Variants in IKBKE observed in about 807,000 individuals in gnomAD.
IKBKE encodes inhibitor of nuclear factor kappa-B kinase subunit epsilon.
In IKBKE, 45 loss-of-function variants were observed where a neutral mutation model predicts 92.1. That is an observed-to-expected ratio of 0.49 (90% confidence interval 0.38 to 0.63). IKBKE has a LOEUF of 0.63. Among genes scored for constraint, IKBKE ranks in the 20% least tolerant of loss-of-function variants. The probability of loss-of-function intolerance (pLI) is 0.00; values close to 1 mark genes in which losing one functional copy is unlikely to be tolerated. For missense variants in IKBKE, 700 were observed against 932.8 expected, an observed-to-expected ratio of 0.75 and a Z score of 3.25; for synonymous variants, 374 against 380.3, an observed-to-expected ratio of 0.98 and a Z score of 0.19.
chr1:206,475,061 G>A lies in IKBKE; in HGVS notation c.358+67G>A. The A allele has an allele frequency of 7.2e-6, 11 of 1,537,748 alleles. No homozygotes were observed. In the South Asian group the frequency reaches 8.2e-5, roughly 11 times the overall value. ...GCAGGCCTGGGACAGATGCTGACAG[G>A]ACTCAGGTGTCTGACTCCTGCTAAT... On this transcript the variant is annotated intron_variant, in intron 5 of 21. Transcript: ENST00000581977.
intron 16 of IKBKE, among the ~76,000 whole-genome samples, chr1:206,488,674 C>G (rs190875300): frequency 6.6e-6 from 1 of 152,138 alleles, no homozygotes; most frequent in East Asian, 1.9e-4. Flanking sequence ...ACCAAACCTC[C>G]CCCTCCTCTC....
rs1553391223 is a variant in IKBKE, at chr1:206,493,354, C to A, written c.2021C>A (p.Pro674His). 1.2e-6 allele frequency: 2 copies of A among 1,613,966 alleles called. No homozygotes were observed. Among genetic ancestry groups the A allele is most frequent in the Admixed American group, 3.3e-5 (2 of 60,030 alleles). ...CCTCCCATAGCTCCTTACCCCAGCC[C>A]TACACGAAAGGACCTGCTTCTCCAG... ...SPPPIAPYPS[P>H]TRKDLLLHMQ... is the part of the protein sequence containing the mutation. The change falls in exon 20 of 22, where the codon CCT becomes CAT. Residue 674 changes from proline to histidine, a missense_variant. Physicochemically the swap from Pro to His is moderately conservative, Grantham distance 77 (BLOSUM62 -2). Coordinates refer to ENST00000581977, the MANE Select transcript of IKBKE (RefSeq NM_014002.4).
At chr1:206,477,919 G>A in intron 8 of IKBKE, 60 bp downstream of exon 8, 2 of 1,201,690 alleles carry the variant, frequency 1.7e-6, no homozygotes, top group Non-Finnish European at 2.4e-6. Flanking sequence ...ACTTCTCTCT[G>A]CTAAGTCAAG....
intron 5 of IKBKE, among the ~76,000 whole-genome samples, chr1:206,475,554 G>A (rs1330988388): frequency 6.6e-6 from 1 of 152,128 alleles, no homozygotes; most frequent in Non-Finnish European, 1.5e-5. Context: ...GGCGAACACG[G>A]TGAAACCCTG....
chr1:206,478,802 G>A lies in IKBKE; in HGVS notation c.993-141G>A. On this transcript the variant is annotated intron_variant, in intron 9 of 21. Coordinates refer to ENST00000581977, the MANE Select transcript of IKBKE (RefSeq NM_014002.4). The surrounding 1 kb of genome is among the most constrained non-coding windows in gnomAD (Gnocchi z 4.8). ...CTTGGTCTCTCCACCCTTGATGACA[G>A]AGAAAACCACCCCCGTCCCTCCCTC... The A allele has an allele frequency of 1.4e-6, 1 of 715,578 alleles. No homozygotes were observed. Among genetic ancestry groups the A allele is most frequent in the Non-Finnish European group, 2.5e-6 (1 of 402,086 alleles). 44.3% of individuals were successfully genotyped at this position (715,578 alleles called of 1,614,324 possible).
At position 206,476,272 on chromosome 1, in the gene IKBKE, G is replaced by A. The variant is rs1665058197; in HGVS notation, c.450G>A (p.Gln150=). 6.2e-7 allele frequency: 1 copy of A among 1,614,106 alleles called. No homozygotes were observed. Among genetic ancestry groups the A allele is most frequent in the Non-Finnish European group, 8.5e-7 (1 of 1,179,982 alleles). ...TGCGCCTCGTAGGGGAGGAGGGGCA[G>A]AGCATCTACAAGCTGACAGACTTCG... ...NIMRLVGEEG[Q]SIYKLTDFGA... The change falls in exon 6 of 22, where the codon CAG becomes CAA. Residue 150 remains glutamine (Q), a synonymous_variant. Transcript: ENST00000581977. The surrounding 1 kb of genome is among the most constrained non-coding windows in gnomAD (Gnocchi z 5.1).
rs1553385415 is a variant in IKBKE at position 206,476,633 on chromosome 1, G to A, written c.541-45G>A. 1 of 1,611,438 alleles carries A rather than the reference G, an allele frequency of 6.2e-7. No individual in the cohort carries two copies. The highest frequency in any genetic ancestry group is 2.2e-5 in the East Asian group (1 of 44,850). On this transcript the variant is annotated intron_variant, in intron 6 of 21. Coordinates refer to ENST00000581977, the MANE Select transcript of IKBKE (RefSeq NM_014002.4). This position sits in a 1 kb window ranked among gnomAD's most constrained non-coding sequence, Gnocchi z 5.1. ...GGGGTCTGACAGGTCTCAGGCCCTTGCCAGCCCTCCGGCTCCATGGCCTCA... is the reference window on the plus strand; with the variant it reads ...GGGGTCTGACAGGTCTCAGGCCCTTACCAGCCCTCCGGCTCCATGGCCTCA...
At position 206,478,662 on chromosome 1, in the gene IKBKE, A is replaced by G. The variant is rs41297604; in HGVS notation, c.993-281A>G. ...GATTCCTGGATAATTTTATAGAACT[A>G]GGTAAATTTTAATGGCAGTGTGACA... is the stretch of plus-strand genomic sequence containing the variant. On this transcript the variant is annotated intron_variant, in intron 9 of 21. Coordinates refer to ENST00000581977, the MANE Select transcript of IKBKE (RefSeq NM_014002.4). The surrounding 1 kb of genome is among the most constrained non-coding windows in gnomAD (Gnocchi z 4.8). Among the ~76,000 whole-genome samples, 3,274 of 152,250 alleles carry G rather than the reference A, an allele frequency of 0.022. 108 individuals carry two copies. Among genetic ancestry groups the G allele is most frequent in the African/African-American group, 0.075 (3,106 of 41,522 alleles).
Position 206,491,644 on chromosome 1 carries a change from C to T in IKBKE, c.1734-4C>T, listed in dbSNP as rs1665956835. The T allele has an allele frequency of 6.2e-7, 1 of 1,609,930 alleles. No homozygotes were observed. The highest frequency in any genetic ancestry group is 8.5e-7 in the Non-Finnish European group (1 of 1,176,692). Reference sequence around the variant, plus strand: ...ATCTGCACCTTGGTTCTCTGTCGTTCTAGGGTGAATTTCAGTCATTTAGCC... The same window carrying T: ...ATCTGCACCTTGGTTCTCTGTCGTTTTAGGGTGAATTTCAGTCATTTAGCC... On this transcript the variant is annotated splice_region_variant and splice_polypyrimidine_tract_variant and intron_variant, in intron 17 of 21. Transcript: ENST00000581977.
rs41297612 is a variant in IKBKE, at chr1:206,480,634, G to A, written c.1427+101G>A. On this transcript the variant is annotated intron_variant, in intron 13 of 21. Transcript: ENST00000581977. Reference sequence around the variant, plus strand: ...ATGCACCTCTTCTCCCCCAAGCCAGGGCTACTGCCTTCCCTGCCCTCCTAG... The same window carrying A: ...ATGCACCTCTTCTCCCCCAAGCCAGAGCTACTGCCTTCCCTGCCCTCCTAG... 3,358 of 865,964 alleles carry A rather than the reference G, an allele frequency of 3.9e-3. 77 individuals are homozygous for A. The African/African-American group carries it at 0.048, about 12-fold the overall frequency. 53.6% of individuals were successfully genotyped at this position (865,964 alleles called of 1,614,324 possible).
intron 16 of IKBKE, among the ~76,000 whole-genome samples, chr1:206,488,803 C>T (rs1375301171): frequency 2.0e-5 from 3 of 152,088 alleles, no homozygotes; most frequent in South Asian, 2.1e-4. Flanking sequence ...ATGCCAGACA[C>T]GTATGTAATT....
Position 206,479,024 on chromosome 1 carries a change from C to G in IKBKE, c.1074C>G (p.Leu358=), listed in dbSNP as rs782232703. 1.2e-6 allele frequency: 2 copies of G among 1,614,116 alleles called. No individual in the cohort carries two copies. The highest frequency in any genetic ancestry group is 2.2e-5 in the East Asian group (1 of 44,876). The part of the protein sequence containing the change: ...RHQEYLFEGH[L]CVLEPSVSAQ... ...AGGAGTACCTCTTTGAGGGTCACCT[C>G]TGTGTCCTCGAGCCCAGCGTCTCAG... is the stretch of plus-strand genomic sequence containing the variant. The change falls in exon 10 of 22, where the codon CTC becomes CTG. Residue 358 remains leucine, a synonymous_variant. Transcript: ENST00000581977.
At chr1:206,495,298 G>T (rs1218970580) in intron 21 of IKBKE, among the ~76,000 whole-genome samples, 7 of 152,180 alleles carry the variant, frequency 4.6e-5, no homozygotes, top group Non-Finnish European at 7.3e-5. Flanking sequence ...TTGAGCTTCA[G>T]TTCCCTCCCC....
At chr1:206,491,008 G>C in intron 17 of IKBKE, 150 bp downstream of exon 17, 2 of 721,074 alleles carry the variant, frequency 2.8e-6, no homozygotes, top group South Asian at 3.1e-5. Flanking sequence ...TCTGGGGCCA[G>C]GGGAGGGAGT....
intron 2 of IKBKE, chr1:206,472,970 G>C (rs1287966776): frequency 4.1e-6 from 2 of 483,152 alleles, no homozygotes; most frequent in African/African-American, 4.1e-5. Context: ...ACAGGTGCCG[G>C]CTGTGGGCTG....
chr1:206,479,539 C>T (rs1343404906), intron 10 of IKBKE, among the ~76,000 whole-genome samples: 3 of 152,210 alleles, frequency 2.0e-5, no homozygotes, highest in Admixed American at 2.0e-4. Flanking sequence ...CAAAAATGTC[C>T]TTTCTTCTCA....
rs782506204 is a variant in IKBKE at position 206,485,098 on chromosome 1, T to G, written c.1503+26T>G. Reference sequence around the variant, plus strand: ...GTGAGTGAGGCTGGAGGGCAAGGGCTTAGCAGGATCAGAGCTGGGGGCCCG... The same window carrying G: ...GTGAGTGAGGCTGGAGGGCAAGGGCGTAGCAGGATCAGAGCTGGGGGCCCG... On this transcript the variant is annotated intron_variant, in intron 14 of 21. Coordinates refer to ENST00000581977, the MANE Select transcript of IKBKE (RefSeq NM_014002.4). The surrounding 1 kb of genome is among the most constrained non-coding windows in gnomAD (Gnocchi z 5.0). The G allele has an allele frequency of 5.6e-6, 9 of 1,609,198 alleles. No homozygotes were observed. Among genetic ancestry groups the G allele is most frequent in the Non-Finnish European group, 6.8e-6 (8 of 1,175,622 alleles).
rs782192248 is a variant in IKBKE, at chr1:206,490,832, C to T, written c.1707C>T (p.Asn569=). The T allele has an allele frequency of 1.7e-5, 27 of 1,614,062 alleles. No homozygotes were observed. In the Admixed American group the frequency reaches 2.0e-4, roughly 12 times the overall value. The change falls in exon 17 of 22, where the codon AAC becomes AAT. Residue 569 remains asparagine, a synonymous_variant. Coordinates refer to ENST00000581977, the MANE Select transcript of IKBKE (RefSeq NM_014002.4). This position sits in a 1 kb window ranked among gnomAD's most constrained non-coding sequence, Gnocchi z 5.2. ...TGTTTCCTCCAGGGCTTGGCTACAA[C>T]GAGGAGCAGATTCACAAGCTGGATA... ...KSRMRPGLGY[N]EEQIHKLDKV...
At chr1:206,495,605 C>T (rs1160582077) in intron 21 of IKBKE, among the ~76,000 whole-genome samples, 1 of 152,172 alleles carries the variant, frequency 6.6e-6, no homozygotes, top group Non-Finnish European at 1.5e-5. Context: ...ACAAAGAGGA[C>T]ATTTGACAGC....
Sources: allele counts gnomAD v4.1 joint callset (sites outside exome capture counted in the v4.1 genomes callset), GRCh38; gene constraint gnomAD v4.1.1; non-coding constraint Gnocchi (gnomAD v3.1); transcripts MANE v1.5; gene names NCBI Gene and HGNC (gene_info 2026-07-23, HGNC 2026-07-21).